TMPRSS11F: variants seen among roughly 807,000 people sequenced by gnomAD.
The protein encoded by TMPRSS11F is transmembrane serine protease 11F, also known as transmembrane protease serine 11F.
In TMPRSS11F, 47 loss-of-function variants were observed where a neutral mutation model predicts 60.2. The observed-to-expected ratio is 0.78, with a 90% CI of 0.62 to 1.00. The LOEUF is 1.00. Among genes scored for constraint, TMPRSS11F ranks in the 50% least tolerant of loss-of-function variants. The pLI is 0.00. For missense variants in TMPRSS11F, 519 were observed against 522.9 expected, an observed-to-expected ratio of 0.99 and a Z score of 0.07; for synonymous variants, 166 against 167.3, an observed-to-expected ratio of 0.99 and a Z score of 0.06.
intron 2 of TMPRSS11F, among the ~76,000 whole-genome samples, chr4:68,092,861 A>G (rs1577925456): frequency 6.6e-6 from 1 of 151,790 alleles, no homozygotes; most frequent in East Asian, 1.9e-4. Context: ...AGTAAAAGTG[A>G]TTTTAATATA....
Position 68,064,921 on chromosome 4 carries a change from A to G in TMPRSS11F, c.779T>C (p.Ile260Thr), listed in dbSNP as rs368257701. ...TGTTATAGTTGCACCAAAAGTAGCA[A>G]TCCATTGAGTTGGGTCTTTATTTCT... Reference protein sequence around the residue: ...FWKNKDPTQWIATFGATITPP... With the variant: ...FWKNKDPTQWTATFGATITPP... The change falls in exon 8 of 10, where the codon ATT (isoleucine) becomes ACT (threonine). Residue 260 changes from isoleucine to threonine, a missense_variant. Physicochemically the swap from Ile to Thr is moderately conservative, Grantham distance 89. Transcript: ENST00000356291. The G allele has an allele frequency of 5.0e-6, 8 of 1,613,712 alleles. No individual in the cohort carries two copies. The African/African-American group carries it at 6.7e-5, about 13-fold the overall frequency.
intron 8 of TMPRSS11F, 71 bp downstream of exon 8, chr4:68,064,614 T>G: frequency 6.7e-7 from 1 of 1,503,126 alleles, no homozygotes; most frequent in Admixed American, 1.9e-5. Context: ...TAAGAGGGAT[T>G]CTTTAAGATA....
At chr4:68,127,662 A>G (rs537679791) in intron 1 of TMPRSS11F, among the ~76,000 whole-genome samples, 53 of 152,230 alleles carry the variant, frequency 3.5e-4, no homozygotes, top group Non-Finnish European at 6.9e-4. Flanking sequence ...ATTTTTGACC[A>G]TGACCCACGG....
chr4:68,107,529 G>C (rs1724326150), intron 1 of TMPRSS11F, among the ~76,000 whole-genome samples: 1 of 152,164 alleles, frequency 6.6e-6, no homozygotes. Context: ...TCATTACAAG[G>C]ACCCTGAGGT....
At chr4:68,070,783 G>A (rs79593273) in intron 5 of TMPRSS11F, among the ~76,000 whole-genome samples, 6,205 of 152,166 alleles carry the variant, frequency 0.041, 377 homozygotes, top group African/African-American at 0.13. Flanking sequence ...GAGAACATGG[G>A]GAATTACAGT....
intron 2 of TMPRSS11F, among the ~76,000 whole-genome samples, chr4:68,096,196 C>G (rs1724071636): frequency 6.6e-6 from 1 of 151,660 alleles, no homozygotes; most frequent in Non-Finnish European, 1.5e-5. Flanking sequence ...ATGCAAGCCT[C>G]AAAAAAATAC....
At chr4:68,113,725 G>A (rs1410675245) in intron 1 of TMPRSS11F, among the ~76,000 whole-genome samples, 1 of 152,042 alleles carries the variant, frequency 6.6e-6, no homozygotes, top group Non-Finnish European at 1.5e-5. Flanking sequence ...AACTGATAAA[G>A]TAGACAAAAA....
At chr4:68,100,119 A>T (rs1210118722) in intron 1 of TMPRSS11F, among the ~76,000 whole-genome samples, 2 of 151,896 alleles carry the variant, frequency 1.3e-5, no homozygotes, top group African/African-American at 4.8e-5. Flanking sequence ...AGGATTCATT[A>T]CTAATAGGGG....
At chr4:68,093,536 A>G (rs1723996790) in intron 2 of TMPRSS11F, among the ~76,000 whole-genome samples, 1 of 152,164 alleles carries the variant, frequency 6.6e-6, no homozygotes, top group Non-Finnish European at 1.5e-5. Flanking sequence ...ATAAAAGCCA[A>G]AATTGACAAA....
At chr4:68,126,165 ATATG>A (rs759549148) in intron 1 of TMPRSS11F, among the ~76,000 whole-genome samples, 3 of 152,214 alleles carry the variant, frequency 2.0e-5, no homozygotes, top group Non-Finnish European at 4.4e-5. Flanking sequence ...TTTTATTCAT[ATATG>A]TGTGTATGTG....
intron 2 of TMPRSS11F, among the ~76,000 whole-genome samples, chr4:68,096,638 A>AT (rs1326114648): frequency 1.3e-5 from 2 of 152,162 alleles, no homozygotes; most frequent in Non-Finnish European, 2.9e-5. Flanking sequence ...ATTAATTCTT[A>AT]TTTTAAAATT....
intron 1 of TMPRSS11F, among the ~76,000 whole-genome samples, chr4:68,109,692 T>A (rs1187439382): frequency 6.6e-6 from 1 of 152,178 alleles, no homozygotes; most frequent in Non-Finnish European, 1.5e-5. Context: ...GAGAAGTTAT[T>A]TGTCAGGACT....
At chr4:68,103,287 A>C (rs551306725) in intron 1 of TMPRSS11F, among the ~76,000 whole-genome samples, 1 of 152,180 alleles carries the variant, frequency 6.6e-6, no homozygotes, top group South Asian at 2.1e-4. Context: ...CAAAAAAAAT[A>C]CTTAAAAAAA....
At chr4:68,067,444 T>C (rs963340614) in intron 7 of TMPRSS11F, among the ~76,000 whole-genome samples, 8 of 152,254 alleles carry the variant, frequency 5.3e-5, no homozygotes, top group Admixed American at 3.3e-4. Flanking sequence ...CCACAGCCTG[T>C]ATTCTTCACT....
At chr4:68,099,091 TTA>T in intron 1 of TMPRSS11F, 53 bp from the exon 2 acceptor site, 1 of 1,450,776 alleles carries the variant, frequency 6.9e-7, no homozygotes, top group Non-Finnish European at 9.5e-7. Context: ...TAGTTCAACT[TTA>T]TGTTTACTTA....
At chr4:68,056,808 C>A (rs146972509) in intron 9 of TMPRSS11F, among the ~76,000 whole-genome samples, 1 of 152,022 alleles carries the variant, frequency 6.6e-6, no homozygotes, top group African/African-American at 2.4e-5. Flanking sequence ...CAATTGTAAT[C>A]AACATAGTGT....
At chr4:68,097,090 A>T (rs1577927653) in intron 2 of TMPRSS11F, among the ~76,000 whole-genome samples, 2 of 152,326 alleles carry the variant, frequency 1.3e-5, no homozygotes, top group Admixed American at 1.3e-4. Context: ...GTCCATCTGC[A>T]GTCAGGCAAC....
intron 5 of TMPRSS11F, among the ~76,000 whole-genome samples, chr4:68,071,659 G>C (rs72647199): frequency 0.027 from 4,076 of 152,262 alleles, 91 homozygotes; most frequent in Middle Eastern, 0.078. Flanking sequence ...GTTCCAACTA[G>C]CTGTAAGGTA....
chr4:68,101,060 T>C (rs1467500365), intron 1 of TMPRSS11F, among the ~76,000 whole-genome samples: 3 of 152,266 alleles, frequency 2.0e-5, no homozygotes, highest in African/African-American at 7.2e-5. Flanking sequence ...ATAACAAGAA[T>C]CAAGTTTAAT....
Sources: gnomAD v4.1 joint callset for allele counts (sites outside exome capture counted in the v4.1 genomes callset) on GRCh38, gnomAD v4.1.1 for gene constraint, MANE v1.5 for transcripts, NCBI Gene and HGNC (gene_info 2026-07-23, HGNC 2026-07-21) for gene names.